The following CDYL variants were observed in gnomAD, a reference collection of about 807,000 sequenced individuals.
The protein encoded by CDYL is chromodomain Y-like protein.
A neutral mutation model predicts 47.3 loss-of-function variants in CDYL; 8 were observed. The observed-to-expected ratio is 0.17, with a 90% confidence interval of 0.10 to 0.31. The LOEUF (loss-of-function observed/expected upper bound fraction) is 0.31. CDYL is among the 10% of genes least tolerant of loss of function. The probability of loss-of-function intolerance (pLI) is 1.00; values close to 1 mark genes in which losing one functional copy is unlikely to be tolerated. For synonymous variants in CDYL, 266 were observed against 265.0 expected (o/e 1.00, Z -0.04); for missense variants, 471 against 701.4 (o/e 0.67, Z 3.71).
intron 1 of CDYL, among the ~76,000 whole-genome samples, chr6:4,790,360 G>A (rs1266357165): frequency 6.6e-6 from 1 of 152,176 alleles, no homozygotes; most frequent in African/African-American, 2.4e-5. Flanking sequence ...TTCAGGAGGT[G>A]TTACTGCTGT....
At chr6:4,830,574 G>C (rs1472114549) in intron 1 of CDYL, among the ~76,000 whole-genome samples, 2 of 151,676 alleles carry the variant, frequency 1.3e-5, no homozygotes, top group Non-Finnish European at 2.9e-5. Flanking sequence ...ATAAGGCTTA[G>C]GTTTCTTTTA....
intron 1 of CDYL, among the ~76,000 whole-genome samples, chr6:4,868,188 T>C (rs1291461153): frequency 6.6e-6 from 1 of 151,948 alleles, no homozygotes; most frequent in Non-Finnish European, 1.5e-5. Context: ...ATTTCTTCAA[T>C]AGAAAGATTA....
intron 1 of CDYL, among the ~76,000 whole-genome samples, chr6:4,845,931 A>G (rs1045520938): frequency 2.6e-5 from 4 of 152,186 alleles, no homozygotes; most frequent in African/African-American, 7.2e-5. Flanking sequence ...CTGATCTCCT[A>G]TTTGAAAACT....
chr6:4,902,050 G>C (rs111354104), intron 2 of CDYL, among the ~76,000 whole-genome samples: 1 of 152,094 alleles, frequency 6.6e-6, no homozygotes, highest in East Asian at 1.9e-4. Context: ...CTGTAACCTA[G>C]AAGGAAGGGG....
intron 2 of CDYL, chr6:4,724,735 C>T (rs1757466285): frequency 6.6e-6 from 1 of 152,272 alleles, no homozygotes; most frequent in African/African-American, 2.4e-5. Context: ...CGTGGTCTCA[C>T]TGGCTTCAGG....
At chr6:4,734,510 G>A (rs1164577138) in intron 2 of CDYL, among the ~76,000 whole-genome samples, 1 of 152,224 alleles carries the variant, frequency 6.6e-6, no homozygotes, top group African/African-American at 2.4e-5. Flanking sequence ...CATTCCAGAT[G>A]GGGAGAGTGT....
intron 2 of CDYL, among the ~76,000 whole-genome samples, chr6:4,731,333 A>G (rs1349542830): frequency 1.3e-5 from 2 of 152,214 alleles, no homozygotes; most frequent in South Asian, 4.1e-4. Context: ...TCCTTCTTAC[A>G]GTATTAAAGG....
chr6:4,864,296 G>T (rs911400796), intron 1 of CDYL, among the ~76,000 whole-genome samples: 4 of 152,156 alleles, frequency 2.6e-5, no homozygotes, highest in African/African-American at 9.7e-5. Flanking sequence ...AAGATGATTG[G>T]TGAGCAAGGA....
intron 3 of CDYL, among the ~76,000 whole-genome samples, chr6:4,735,461 A>G (rs1400096970): frequency 1.3e-5 from 2 of 152,076 alleles, no homozygotes. Flanking sequence ...TAATTGACAT[A>G]CAAAAAGCTG....
chr6:4,905,014 A>C (rs901314326), intron 2 of CDYL, among the ~76,000 whole-genome samples: 13 of 152,268 alleles, frequency 8.5e-5, no homozygotes, highest in African/African-American at 3.1e-4. Context: ...CAGAGACAGC[A>C]TTAGGATGGC....
intron 2 of CDYL, among the ~76,000 whole-genome samples, chr6:4,729,805 C>G (rs1278942778): frequency 1.3e-5 from 2 of 152,110 alleles, no homozygotes; most frequent in Non-Finnish European, 2.9e-5. Context: ...GTGGTCCCAG[C>G]TACTCAGGAG....
At chr6:4,726,272 C>G (rs950421220) in intron 2 of CDYL, among the ~76,000 whole-genome samples, 1 of 152,068 alleles carries the variant, frequency 6.6e-6, no homozygotes, top group African/African-American at 2.4e-5. Flanking sequence ...CGTGGCGGCT[C>G]TCGCGCATAA....
intron 2 of CDYL, among the ~76,000 whole-genome samples, chr6:4,729,875 GCTA>G (rs1757575259): frequency 6.6e-6 from 1 of 152,008 alleles, no homozygotes; most frequent in East Asian, 1.9e-4. Flanking sequence ...CCACGATCAC[GCTA>G]CTACACTCCA....
chr6:4,888,838 G>T (rs1160522963), intron 1 of CDYL, among the ~76,000 whole-genome samples: 2 of 152,180 alleles, frequency 1.3e-5, no homozygotes, highest in Admixed American at 6.5e-5. Flanking sequence ...AGACATTTTG[G>T]GGGGAGGTGG....
intron 3 of CDYL, among the ~76,000 whole-genome samples, chr6:4,745,099 G>A (rs1032478480): frequency 6.6e-6 from 1 of 152,164 alleles, no homozygotes; most frequent in Non-Finnish European, 1.5e-5. Flanking sequence ...CGAGTAGCTA[G>A]TACTACAGGC....
intron 3 of CDYL, among the ~76,000 whole-genome samples, chr6:4,746,762 G>T (rs527490702): frequency 2.0e-5 from 3 of 152,224 alleles, no homozygotes; most frequent in African/African-American, 4.8e-5. Flanking sequence ...GAAGCTGTGG[G>T]GTCGCTGGCA....
intron 2 of CDYL, among the ~76,000 whole-genome samples, chr6:4,909,813 A>G (rs1010449300): frequency 6.6e-6 from 1 of 150,892 alleles, no homozygotes; most frequent in Non-Finnish European, 1.5e-5. Context: ...TGATCTTGTG[A>G]TCTGCCTTCT....
intron 1 of CDYL, among the ~76,000 whole-genome samples, chr6:4,845,006 G>A (rs1760613533): frequency 6.6e-6 from 1 of 152,070 alleles, no homozygotes; most frequent in South Asian, 2.1e-4. Flanking sequence ...ATCAAAAATA[G>A]AAGGGCCATG....
intron 2 of CDYL, among the ~76,000 whole-genome samples, chr6:4,914,394 G>A (rs1462706577): frequency 2.6e-5 from 4 of 152,124 alleles, no homozygotes; most frequent in Non-Finnish European, 5.9e-5. Context: ...TCTCATTAGC[G>A]AACTGCTACG....
Sources: gnomAD v4.1 joint callset for allele counts (sites outside exome capture counted in the v4.1 genomes callset) on GRCh38, gnomAD v4.1.1 for gene constraint, MANE v1.5 for transcripts, NCBI Gene and HGNC (gene_info 2026-07-23, HGNC 2026-07-21) for gene names.